The following ASPRV1 variants were observed in gnomAD, a reference collection of about 807,000 sequenced individuals.
ASPRV1 encodes retroviral-like aspartic protease 1.
Under a neutral mutation model 11.0 loss-of-function variants are expected in ASPRV1, and 7 were observed. The observed-to-expected ratio is 0.64, with a 90% CI of 0.36 to 1.20. The LOEUF is 1.20. Ranked by LOEUF, ASPRV1 falls within the 50% of genes most tolerant of loss-of-function variation. ASPRV1 has a pLI of 0.02. For synonymous variants in ASPRV1, 136 were observed against 138.4 expected (o/e 0.98, Z 0.12); for missense variants, 299 against 320.0 (o/e 0.93, Z 0.50).
chr2:70,039,629 G>A, the ASPRV1 span, among the ~76,000 whole-genome samples: 74 of 152,218 alleles, frequency 4.9e-4, 1 homozygote, highest in Admixed American at 3.8e-3. Flanking sequence ...ACAAACTGAG[G>A]ATCATATGCC....
At chr2:70,032,616 C>T in the ASPRV1 span, among the ~76,000 whole-genome samples, 1 of 152,138 alleles carries the variant, frequency 6.6e-6, no homozygotes, top group African/African-American at 2.4e-5. Flanking sequence ...CATGATTGCA[C>T]TACTGCACTT....
chr2:70,027,629 C>CA, the ASPRV1 span, among the ~76,000 whole-genome samples: 1 of 152,088 alleles, frequency 6.6e-6, no homozygotes, highest in Non-Finnish European at 1.5e-5. Flanking sequence ...TGAAATAAAT[C>CA]AAGCACAAAA....
chr2:69,956,786 G>A (rs942997922), downstream of ASPRV1, among the ~76,000 whole-genome samples: 5 of 152,098 alleles, frequency 3.3e-5, no homozygotes, highest in African/African-American at 1.2e-4. Flanking sequence ...GAAACAAGTC[G>A]GCAACATATG....
the ASPRV1 span, among the ~76,000 whole-genome samples, chr2:70,082,125 C>G: frequency 3.3e-5 from 5 of 151,682 alleles, no homozygotes; most frequent in African/African-American, 9.7e-5. Flanking sequence ...CAGGCACGCA[C>G]CATCACGCCC....
chr2:70,086,031 C>G, the ASPRV1 span: 2 of 152,142 alleles, frequency 1.3e-5, no homozygotes, highest in Admixed American at 6.5e-5. Context: ...TTTAAAAAGG[C>G]GAGAGATTAA....
chr2:69,957,439 AT>A (rs1337286466), downstream of ASPRV1, among the ~76,000 whole-genome samples: 1 of 151,452 alleles, frequency 6.6e-6, no homozygotes, highest in African/African-American at 2.4e-5. Flanking sequence ...GATTTTCTGG[AT>A]AAAAGCATAA....
At chr2:70,028,349 T>G in the ASPRV1 span, 1 of 152,188 alleles carries the variant, frequency 6.6e-6, no homozygotes, top group African/African-American at 2.4e-5. Flanking sequence ...TGAACCCCAC[T>G]GAACTTATTT....
chr2:69,937,381 C>T, the ASPRV1 span: 78 of 1,607,948 alleles, frequency 4.9e-5, no homozygotes, highest in Middle Eastern at 3.3e-4. Context: ...CGGAGCGCTC[C>T]GACTCCGACA....
chr2:70,015,725 G>A, the ASPRV1 span: 2 of 152,226 alleles, frequency 1.3e-5, no homozygotes, highest in African/African-American at 4.8e-5. Context: ...CACTTTGGGA[G>A]GCTGACGTGG....
the ASPRV1 span, among the ~76,000 whole-genome samples, chr2:70,084,824 A>G: frequency 6.6e-6 from 1 of 152,254 alleles, no homozygotes; most frequent in African/African-American, 2.4e-5. Context: ...CCCAGCACAC[A>G]GTAAGCACCT....
the ASPRV1 span, among the ~76,000 whole-genome samples, chr2:69,936,862 A>G: frequency 9.2e-5 from 14 of 152,198 alleles, no homozygotes; most frequent in Admixed American, 9.2e-4. Flanking sequence ...GCTCCCATCA[A>G]GTGCAGTTTT....
At chr2:70,018,040 T>A in the ASPRV1 span, 1 of 152,086 alleles carries the variant, frequency 6.6e-6, no homozygotes, top group East Asian at 1.9e-4. Context: ...CTCAGGAGGC[T>A]GAGGCACGAG....
chr2:69,976,932 C>T, the ASPRV1 span, among the ~76,000 whole-genome samples: 1 of 152,138 alleles, frequency 6.6e-6, no homozygotes, highest in East Asian at 1.9e-4. Flanking sequence ...TGACTCATGC[C>T]TGTAATTCCA....
the ASPRV1 span, chr2:69,988,494 T>A: frequency 6.6e-6 from 2 of 303,596 alleles, no homozygotes; most frequent in African/African-American, 4.4e-5. Context: ...AGTACAGCGG[T>A]GGTTGCAGGA....
the ASPRV1 span, chr2:69,938,109 T>C: frequency 1.2e-6 from 2 of 1,614,066 alleles, no homozygotes; most frequent in Non-Finnish European, 1.7e-6. Context: ...GAAATCGACG[T>C]TGACGTGGAG....
chr2:69,982,042 TCC>T, the ASPRV1 span, among the ~76,000 whole-genome samples: 2 of 43,456 alleles, frequency 4.6e-5, no homozygotes, highest in Non-Finnish European at 7.5e-5. Flanking sequence ...CATCTATCCA[TCC>T]ATCCATCCAT....
the ASPRV1 span, chr2:70,028,648 A>G: frequency 6.6e-6 from 1 of 152,362 alleles, no homozygotes; most frequent in Non-Finnish European, 1.5e-5. Context: ...TGATTAGGTC[A>G]TGAGGGCTGT....
At chr2:69,968,917 T>C in the ASPRV1 span, among the ~76,000 whole-genome samples, 3 of 152,320 alleles carry the variant, frequency 2.0e-5, no homozygotes, top group East Asian at 5.8e-4. Flanking sequence ...TCCCGCCTCG[T>C]GTCATGTACA....
chr2:70,058,865 T>A, the ASPRV1 span, among the ~76,000 whole-genome samples: 1 of 149,976 alleles, frequency 6.7e-6, no homozygotes, highest in East Asian at 2.0e-4. Flanking sequence ...AATTTTTTTT[T>A]AAGTTTTATT....
Sources: allele counts gnomAD v4.1 joint callset (sites outside exome capture counted in the v4.1 genomes callset), GRCh38; gene constraint gnomAD v4.1.1; transcripts MANE v1.5; gene names NCBI Gene and HGNC (gene_info 2026-07-23, HGNC 2026-07-21).